Variants in ZFPM1 observed in about 807,000 individuals in gnomAD.
The protein encoded by ZFPM1 is zinc finger protein, FOG family member 1, also known as zinc finger protein ZFPM1.
A neutral mutation model predicts 46.3 loss-of-function variants in ZFPM1; 28 were observed. The ratio of observed to expected loss-of-function variants is 0.60; its 90% CI spans 0.45 to 0.83. The LOEUF (loss-of-function observed/expected upper bound fraction) is 0.83. Among genes scored for constraint, ZFPM1 ranks in the 40% least tolerant of loss-of-function variants. The probability of loss-of-function intolerance (pLI) is 0.00; values close to 1 mark genes in which losing one functional copy is unlikely to be tolerated. For synonymous variants in ZFPM1, 957 were observed against 675.9 expected, an observed-to-expected ratio of 1.42 and a Z score of -6.45; for missense variants, 1,878 against 1,432.4, an observed-to-expected ratio of 1.31 and a Z score of -5.02.
At chr16:88,488,157 C>A (rs1029149148) in intron 2 of ZFPM1, among the ~76,000 whole-genome samples, 1 of 152,166 alleles carries the variant, frequency 6.6e-6, no homozygotes, top group Non-Finnish European at 1.5e-5. Context: ...GTGCCGCACG[C>A]AGGTGCCGCC....
At chr16:88,462,870 G>A (rs180810746) in intron 1 of ZFPM1, among the ~76,000 whole-genome samples, 46 of 141,914 alleles carry the variant, frequency 3.2e-4, no homozygotes, top group Middle Eastern at 3.5e-3. Flanking sequence ...CTCACCTCAC[G>A]GGGCTGTGAG....
chr16:88,464,142 C>G (rs1456005319), intron 1 of ZFPM1, among the ~76,000 whole-genome samples: 1 of 152,204 alleles, frequency 6.6e-6, no homozygotes, highest in African/African-American at 2.4e-5. Flanking sequence ...CTGTTTAGGG[C>G]CTGGGTGCCG....
In ZFPM1 at chr16:88,534,007, G is replaced by A. The variant is rs756537248; in HGVS notation, c.2049G>A (p.Thr683=). ...VDDAEDDPSR[T]LCEACNIRFS... ...ACGCGGAGGACGACCCCAGCCGCAC[G>A]CTGTGCGAGGCCTGCAACATCCGCT... Residue 683 remains threonine (T), a synonymous_variant, in exon 10 of 10, where the codon ACG becomes ACA. Transcript: ENST00000319555. 3.6e-6 allele frequency: 5 copies of A among 1,375,634 alleles called. No individual in the cohort carries two copies. Among genetic ancestry groups the A allele is most frequent in the Non-Finnish European group, 4.8e-6 (5 of 1,048,996 alleles). The allele number at this position is 1,375,634 out of a possible 1,614,324, so 85.2% of individuals were successfully genotyped here.
chr16:88,533,050 C>G (rs566051412), intron 9 of ZFPM1, 98 bp from the exon 10 acceptor site: 3 of 1,419,084 alleles, frequency 2.1e-6, no homozygotes, highest in South Asian at 1.4e-5. Context: ...CTCTAAACCA[C>G]TCCCGCCCAC....
intron 1 of ZFPM1, among the ~76,000 whole-genome samples, chr16:88,479,372 G>T (rs1331923714): frequency 1.1e-4 from 16 of 152,102 alleles, no homozygotes; most frequent in Admixed American, 1.0e-3. Flanking sequence ...CACTCACCAG[G>T]GACCTGGGAG....
intron 3 of ZFPM1, among the ~76,000 whole-genome samples, chr16:88,501,628 G>T (rs1910333582): frequency 7.5e-6 from 1 of 133,970 alleles, no homozygotes; most frequent in Admixed American, 7.6e-5. Context: ...GGAGATAGTG[G>T]GCCTGGGTGC....
intron 6 of ZFPM1, among the ~76,000 whole-genome samples, chr16:88,531,785 C>T (rs1912803218): frequency 6.6e-6 from 1 of 152,198 alleles, no homozygotes; most frequent in South Asian, 2.1e-4. Flanking sequence ...GACCCCACTC[C>T]CCACGGGTCC....
chr16:88,533,809 GCCCC>G lies in ZFPM1; in HGVS notation c.1854_1857del (p.Pro619AlafsTer178). 9.3e-7 allele frequency: 1 copy of G among 1,073,360 alleles called. No individual in the cohort carries two copies. The allele number at this position is 1,073,360 out of a possible 1,614,324, so 66.5% of individuals were successfully genotyped here. ...CGCCTGCCGCGCGCAGGCCCAAGGC[GCCCC>G]CCGGCCCGGCCCGCGCGCCCCCCGG... is the stretch of plus-strand genomic sequence containing the variant. On this transcript the variant is annotated frameshift_variant, in exon 10 of 10. Coordinates refer to ENST00000319555, the MANE Select transcript of ZFPM1 (RefSeq NM_153813.3). LOFTEE classifies it low-confidence loss of function (END_TRUNC).
In ZFPM1 at chr16:88,506,838, G is replaced by A. The variant is rs1019088500; in HGVS notation, c.269-7549G>A. Among the ~76,000 whole-genome samples, 21 of 152,302 alleles carry A rather than the reference G, an allele frequency of 1.4e-4. No individual in the cohort carries two copies. In the East Asian group the frequency reaches 2.1e-3, roughly 15 times the overall value. On this transcript the variant is annotated intron_variant, in intron 3 of 9. Transcript: ENST00000319555. The stretch of plus-strand genomic sequence containing the variant: ...AGCCAGGCTAATCTGCAGAGCCCTC[G>A]AGTGGCTTTGTCTCCAAGCTCTGGT...
chr16:88,502,065 CATTTATTT>C lies in ZFPM1; in HGVS notation c.269-12283_269-12276del, dbSNP rs763371544. Reference sequence around the variant, plus strand: ...CGACGCGGCTCCACCCGCCCCCCCCCATTTATTTATTTATTTATTTATTTATTTATTTA... The same window carrying C: ...CGACGCGGCTCCACCCGCCCCCCCCCATTTATTTATTTATTTATTTATTTA... On this transcript the variant is annotated intron_variant, in intron 3 of 9. Coordinates refer to ENST00000319555, the MANE Select transcript of ZFPM1 (RefSeq NM_153813.3). Among the ~76,000 whole-genome samples, 114 of 72,916 alleles carry C rather than the reference CATTTATTT, an allele frequency of 1.6e-3. 1 individual carries two copies. The highest frequency in any genetic ancestry group is 2.5e-3 in the Admixed American group (16 of 6,410). The allele number at this position is 72,916 out of a possible 152,430, so 47.8% of individuals were successfully genotyped here. A position where few individuals can be genotyped will look rare whatever the true frequency, so the allele number is the denominator to read the frequency against.
At position 88,534,916 on chromosome 16, in the gene ZFPM1, G is replaced by C. The variant is rs896977217; in HGVS notation, c.2958G>C (p.Leu986=). The C allele has an allele frequency of 6.4e-7, 1 of 1,553,956 alleles. No individual in the cohort carries two copies. The highest frequency in any genetic ancestry group is 1.4e-5 in the African/African-American group (1 of 70,820). Residue 986 remains leucine, a synonymous_variant, in exon 10 of 10, where the codon CTG becomes CTC. Transcript: ENST00000319555. ...CRLCNIKFSS[L]STFIAHKKYY... ...TTTGCAACATCAAGTTCAGCAGCCTGTCCACCTTCATCGCCCACAAGAAGT... is the reference window on the plus strand; with the variant it reads ...TTTGCAACATCAAGTTCAGCAGCCTCTCCACCTTCATCGCCCACAAGAAGT...
In ZFPM1 at chr16:88,526,975, C is replaced by T; in HGVS notation, c.505+59C>T. 2.0e-6 allele frequency: 3 copies of T among 1,515,010 alleles called. No individual in the cohort carries two copies. The South Asian group carries it at 3.8e-5, about 19-fold the overall frequency. The allele number at this position is 1,515,010 out of a possible 1,614,324, so 93.8% of individuals were successfully genotyped here. ...TCCGGAAGGTGGGGGTCACTTGGCT[C>T]CCCCTGGGCTGAGCCCTTAAAGGGA... On this transcript the variant is annotated intron_variant, in intron 5 of 9. Coordinates refer to ENST00000319555, the MANE Select transcript of ZFPM1 (RefSeq NM_153813.3).
At chr16:88,475,350 G>A (rs1372101839) in intron 1 of ZFPM1, among the ~76,000 whole-genome samples, 2 of 152,188 alleles carry the variant, frequency 1.3e-5, no homozygotes, top group African/African-American at 4.8e-5. Flanking sequence ...GGGAGGGAAG[G>A]TGTGGGACCG....
rs2142499802 is a variant in ZFPM1, at chr16:88,534,244, C to T, written c.2286C>T (p.His762=). The T allele has an allele frequency of 2.0e-6, 2 of 1,011,396 alleles. No individual in the cohort carries two copies. Among genetic ancestry groups the T allele is most frequent in the Non-Finnish European group, 1.2e-6 (1 of 849,732 alleles). The allele number at this position is 1,011,396 out of a possible 1,614,324, so 62.7% of individuals were successfully genotyped here. The change falls in exon 10 of 10, where the codon CAC becomes CAT. Residue 762 remains histidine, a synonymous_variant. Coordinates refer to ENST00000319555, the MANE Select transcript of ZFPM1 (RefSeq NM_153813.3). ...AGAPPPPPPG[H]APAPESPRPG... ...CCCCGCCCCCCCCGCCGCCCGGCCA[C>T]GCCCCCGCGCCCGAGTCGCCGCGGC...
chr16:88,532,164 G>A lies in ZFPM1; in HGVS notation c.875G>A (p.Cys292Tyr), dbSNP rs1418129494. The change falls in exon 7 of 10, where the codon TGC becomes TAC. Residue 292 changes from cysteine (C) to tyrosine (Y), a missense_variant. Cys to Tyr is a radical substitution (Grantham distance 194, BLOSUM62 -2). Coordinates refer to ENST00000319555, the MANE Select transcript of ZFPM1 (RefSeq NM_153813.3). ...GAGACCTACCCCAACGAGCGCGTCT[G>A]CCCCTTCCCCCAGTGCCGCAAGAGC... ...PKETYPNERV[C>Y]PFPQCRKSCP... The A allele has an allele frequency of 6.2e-7, 1 of 1,612,362 alleles. No homozygotes were observed.
intron 4 of ZFPM1, among the ~76,000 whole-genome samples, chr16:88,522,943 C>T (rs534044768): frequency 5.9e-5 from 9 of 152,030 alleles, no homozygotes; most frequent in African/African-American, 1.9e-4. Flanking sequence ...CGGTGGTTCA[C>T]GCCTGTAATC....
chr16:88,525,071 A>G (rs770987458), intron 4 of ZFPM1, among the ~76,000 whole-genome samples: 14 of 152,240 alleles, frequency 9.2e-5, no homozygotes, highest in Non-Finnish European at 1.5e-4. Context: ...GTAGTCACTG[A>G]ACGTCCCAGC....
intron 9 of ZFPM1, 39 bp downstream of exon 9, chr16:88,532,974 C>T: frequency 6.2e-7 from 1 of 1,610,290 alleles, no homozygotes; most frequent in Non-Finnish European, 8.5e-7. Flanking sequence ...CCCCTTAGGC[C>T]CCCTGAGCAG....
At chr16:88,510,005 A>C (rs2142420358) in intron 3 of ZFPM1, among the ~76,000 whole-genome samples, 1 of 152,222 alleles carries the variant, frequency 6.6e-6, no homozygotes, top group Non-Finnish European at 1.5e-5. Flanking sequence ...CCCAGGGGGC[A>C]GCCCTGGGCT....
Sources: gnomAD v4.1 joint callset for allele counts (sites outside exome capture counted in the v4.1 genomes callset) on GRCh38, gnomAD v4.1.1 for gene constraint, MANE v1.5 for transcripts, NCBI Gene and HGNC (gene_info 2026-07-23, HGNC 2026-07-21) for gene names.